DMPK: variants seen among roughly 807,000 people sequenced by gnomAD.
The protein encoded by DMPK is DM1 protein kinase, also known as myotonin-protein kinase.
Under a neutral mutation model 70.3 loss-of-function variants are expected in DMPK, and 32 were observed. The ratio of observed to expected loss-of-function variants is 0.46; its 90% CI spans 0.34 to 0.61. The LOEUF (loss-of-function observed/expected upper bound fraction) is 0.61. DMPK is among the 20% of genes least tolerant of loss of function. The probability of loss-of-function intolerance (pLI) is 0.01; values close to 1 mark genes in which losing one functional copy is unlikely to be tolerated. For synonymous variants in DMPK, 469 were observed against 390.9 expected (o/e 1.20, Z -2.36); for missense variants, 899 against 886.0 (o/e 1.01, Z -0.19).
At chr19:45,774,285 C>T (rs1385937900) in intron 9 of DMPK, among the ~76,000 whole-genome samples, 10 of 112,370 alleles carry the variant, frequency 8.9e-5, no homozygotes, top group Admixed American at 2.2e-4. Flanking sequence ...TTTTTTGAGA[C>T]GGAGTCTTGC....
At chr19:45,778,437 T>C in intron 5 of DMPK, 56 bp downstream of exon 5, 1 of 1,593,422 alleles carries the variant, frequency 6.3e-7, no homozygotes, top group Non-Finnish European at 8.6e-7. Flanking sequence ...GCTCTGACCT[T>C]CCAAGAACCC....
chr19:45,770,886 C>A (rs975109048), intron 14 of DMPK, 85 bp downstream of exon 14: 1 of 1,145,958 alleles, frequency 8.7e-7, no homozygotes. Flanking sequence ...GGCCCAGCCC[C>A]GCAAATGCGC....
intron 1 of DMPK, chr19:45,780,101 T>C (rs778455449): frequency 2.8e-5 from 42 of 1,483,910 alleles, no homozygotes; most frequent in Admixed American, 6.8e-5. Flanking sequence ...GACAGGGCAT[T>C]GGCCCAGAGG....
chr19:45,778,456 A>C (rs910005628), intron 5 of DMPK, 37 bp downstream of exon 5: 3 of 1,603,766 alleles, frequency 1.9e-6, no homozygotes, highest in Non-Finnish European at 2.6e-6. Context: ...CCGGCCAGGG[A>C]ACAAGCTTGC....
chr19:45,771,133 G>A, intron 13 of DMPK, 73 bp from the exon 14 acceptor site: 1 of 1,296,108 alleles, frequency 7.7e-7, no homozygotes, highest in Non-Finnish European at 1.1e-6. Context: ...GAGACAGCGA[G>A]GGGAATCGAG....
At chr19:45,779,067 G>A in intron 4 of DMPK, 197 bp downstream of exon 4, 3 of 620,638 alleles carry the variant, frequency 4.8e-6, no homozygotes, top group Non-Finnish European at 5.7e-6. Context: ...CCAGAAACGG[G>A]CAGTGAAGGA....
At position 45,771,623 on chromosome 19, in the gene DMPK, T is replaced by C; in HGVS notation, c.1545A>G (p.Ala515=). 3 of 1,614,016 alleles carry C rather than the reference T, an allele frequency of 1.9e-6. No homozygotes were observed. Among genetic ancestry groups the C allele is most frequent in the Non-Finnish European group, 2.5e-6 (3 of 1,179,958 alleles). The stretch of plus-strand genomic sequence containing the variant: ...TCCGCTCCTGCAACTGCCGGACGTG[T>C]GCCTCTAGGTCCCGGTTCCGAGCCT... ...EAEARNRDLE[A]HVRQLQERME... is the part of the protein sequence containing the mutation. The change falls in exon 12 of 15, where the codon GCA becomes GCG. Residue 515 remains alanine, a synonymous_variant. Coordinates refer to ENST00000291270, the MANE Select transcript of DMPK (RefSeq NM_004409.5).
At chr19:45,776,658 C>G (rs1345147997) in intron 8 of DMPK, 1 of 152,644 alleles carries the variant, frequency 6.6e-6, no homozygotes, top group Non-Finnish European at 1.5e-5. Flanking sequence ...GGGGGTCTCA[C>G]CACATTGCCC....
At position 45,771,362 on chromosome 19, in the gene DMPK, A is replaced by C; in HGVS notation, c.1635T>G (p.Asp545Glu). 6.2e-7 allele frequency: 1 copy of C among 1,600,510 alleles called. No individual in the cohort carries two copies. The highest frequency in any genetic ancestry group is 2.2e-5 in the East Asian group (1 of 44,796). ...AGAGGGGTCTTACATGGGAAGGTGG[A>C]TCCGTGGCCCGGGGACTGGGGACCC... ...VTGVPSPRATDPPSHLDGPPA... is the reference protein window; with the variant it reads ...VTGVPSPRATEPPSHLDGPPA... The change falls in exon 13 of 15, where the codon GAT (aspartate) becomes GAG (glutamate). Residue 545 changes from aspartate to glutamate, a missense_variant. Asp to Glu is a conservative substitution (Grantham distance 45, BLOSUM62 2). This residue lies in a region of DMPK where 555 missense variants were observed against 483.8 expected (regional missense o/e 1.15). Coordinates refer to ENST00000291270, the MANE Select transcript of DMPK (RefSeq NM_004409.5).
rs1270954965 is a variant in DMPK, at chr19:45,777,081, C to A, written c.1146+246G>T. ...CCTTGCTGAGTCAGGAGTCCCCCAC[C>A]CCCTGCACTCCATTGTCTCAGCCCT... On this transcript the variant is annotated intron_variant, in intron 8 of 14. Transcript: ENST00000291270. This position sits in a 1 kb window ranked among gnomAD's most constrained non-coding sequence, Gnocchi z 6.7. The A allele has an allele frequency of 1.4e-5, 7 of 499,304 alleles. No individual in the cohort carries two copies. Among genetic ancestry groups the A allele is most frequent in the Admixed American group, 3.8e-5 (1 of 26,048 alleles). The allele number at this position is 499,304 out of a possible 1,614,324, so 30.9% of individuals were successfully genotyped here. A position where few individuals can be genotyped will look rare whatever the true frequency, so the allele number is the denominator to read the frequency against.
rs373602912 is a variant in DMPK at position 45,782,337 on chromosome 19, G to A, written c.16C>T (p.Arg6Trp). The A allele has an allele frequency of 9.3e-5, 147 of 1,576,920 alleles. 1 individual carries two copies. The highest frequency in any genetic ancestry group is 1.1e-4 in the Non-Finnish European group (124 of 1,162,520). The change falls in exon 1 of 15, where the codon CGG becomes TGG. Residue 6 changes from arginine to tryptophan, a missense_variant. Arg to Trp is a moderately radical substitution (Grantham distance 101). Around this residue, in one of 3 missense-constraint regions of DMPK, gnomAD observed 149 missense variants for 142.5 expected, o/e 1.05. Coordinates refer to ENST00000291270, the MANE Select transcript of DMPK (RefSeq NM_004409.5). ...ACCAGCTGCTGGAGCCGCCTCAGCC[G>A]CACCTCGGCTGACATGTTGGACAGG... MSAEVRLRRLQQLVLD... is the reference protein window; with the variant it reads MSAEVWLRRLQQLVLD...
In DMPK at chr19:45,771,332, GAA is replaced by G. The variant is rs754624984; in HGVS notation, c.1647+16_1647+17del. 4 of 1,584,892 alleles carry G rather than the reference GAA, an allele frequency of 2.5e-6. No individual in the cohort carries two copies. The South Asian group carries it at 4.6e-5, about 18-fold the overall frequency. ...AATGGGCAGCAGGTCTGAGGCAGGG[GAA>G]AGAGAGGGGTCTTACATGGGAAGGT... On this transcript the variant is annotated intron_variant, in intron 13 of 14. Coordinates refer to ENST00000291270, the MANE Select transcript of DMPK (RefSeq NM_004409.5).
chr19:45,779,224 C>T, intron 4 of DMPK, 40 bp downstream of exon 4: 1 of 1,592,694 alleles, frequency 6.3e-7, no homozygotes, highest in Non-Finnish European at 8.6e-7. Context: ...ACAGCACGGG[C>T]TCTTGTCCCT....
rs1969940412 is a variant in DMPK, at chr19:45,778,841, A to G, written c.433-200T>C. The G allele has an allele frequency of 8.5e-6, 5 of 585,314 alleles. No homozygotes were observed. In the East Asian group the frequency reaches 1.4e-4, roughly 17 times the overall value. 36.3% of individuals were successfully genotyped at this position (585,314 alleles called of 1,614,324 possible). On this transcript the variant is annotated intron_variant, in intron 4 of 14. Transcript: ENST00000291270. The stretch of plus-strand genomic sequence containing the variant: ...GCCCCCGCCCCTCAAAAAAAAACAC[A>G]AACAAAAAAACTTTCCTGGGATGTC...
chr19:45,771,262 C>T (rs775014801), intron 13 of DMPK, 88 bp downstream of exon 13: 2 of 1,507,334 alleles, frequency 1.3e-6, no homozygotes, highest in African/African-American at 2.8e-5. Context: ...AGGGTGAGCC[C>T]TATATCTGGA....
chr19:45,772,644 T>C lies in DMPK; in HGVS notation c.1341A>G (p.Glu447=). ...CCCCTCCCCTCCACCAACTTACTGT[T>C]TCATCCTGTGGGGACACCGAGGGCT... ...SLEPSVSPQD[E]TAEVAVPAAV... is the part of the protein sequence containing the mutation. The change falls in exon 10 of 15, where the codon GAA becomes GAG. Residue 447 remains glutamate, a synonymous_variant. Transcript: ENST00000291270. The C allele has an allele frequency of 6.5e-7, 1 of 1,544,040 alleles. No homozygotes were observed. Among genetic ancestry groups the C allele is most frequent in the African/African-American group, 1.4e-5 (1 of 69,898 alleles).
chr19:45,780,682 T>C, intron 1 of DMPK: 1 of 828,214 alleles, frequency 1.2e-6, no homozygotes, highest in Non-Finnish European at 1.4e-6. Context: ...GGGATGGGTA[T>C]GGGAGGGGAG....
chr19:45,772,287 C>T (rs900350473), intron 10 of DMPK: 2 of 362,886 alleles, frequency 5.5e-6, no homozygotes, highest in Non-Finnish European at 9.9e-6. Flanking sequence ...AGGAATGATT[C>T]AGCCAAACTA....
At position 45,777,285 on chromosome 19, in the gene DMPK, T is replaced by TGGGGAGGTTCCCGCAGCC; in HGVS notation, c.1146+24_1146+41dup. 1 of 1,524,514 alleles carries TGGGGAGGTTCCCGCAGCC rather than the reference T, an allele frequency of 6.6e-7. No homozygotes were observed. 94.4% of individuals were successfully genotyped at this position (1,524,514 alleles called of 1,614,324 possible). On this transcript the variant is annotated intron_variant, in intron 8 of 14. Coordinates refer to ENST00000291270, the MANE Select transcript of DMPK (RefSeq NM_004409.5). This position sits in a 1 kb window ranked among gnomAD's most constrained non-coding sequence, Gnocchi z 6.7. ...TTACTCCAACTTTATGGAGGGAGCA[T>TGGGGAGGTTCCCGCAGCC]GGGGAGGTTCCCGCAGCCGAGCAGG...
Sources: allele counts gnomAD v4.1 joint callset (sites outside exome capture counted in the v4.1 genomes callset), GRCh38; gene constraint gnomAD v4.1.1; regional missense constraint gnomAD v4.1.1; non-coding constraint Gnocchi (gnomAD v3.1); transcripts MANE v1.5; gene names NCBI Gene and HGNC (gene_info 2026-07-23, HGNC 2026-07-21).